CROCC: variants seen among roughly 807,000 people sequenced by gnomAD.
CROCC encodes ciliary rootlet coiled-coil, rootletin, also known as rootletin.
Under a neutral mutation model 245.2 loss-of-function variants are expected in CROCC, and 180 were observed. The observed-to-expected ratio is 0.73, with a 90% CI of 0.65 to 0.83. CROCC has a LOEUF of 0.83. CROCC is among the 40% of genes least tolerant of loss of function. CROCC has a pLI of 0.00. For missense variants in CROCC, 2,688 were observed against 2,779.4 expected (o/e 0.97, Z 0.74); for synonymous variants, 1,205 against 1,241.6 (o/e 0.97, Z 0.62).
intron 8 of CROCC, among the ~76,000 whole-genome samples, chr1:16,932,364 T>C (rs575007011): frequency 6.6e-6 from 1 of 152,338 alleles, no homozygotes; most frequent in East Asian, 1.9e-4. Flanking sequence ...TGCTTGAACC[T>C]GGGAGGCAGA....
Position 16,954,421 on chromosome 1 carries a change from C to T in CROCC, c.3321+64C>T. 6.4e-7 allele frequency: 1 copy of T among 1,559,170 alleles called. No homozygotes were observed. Among genetic ancestry groups the T allele is most frequent in the Non-Finnish European group, 8.7e-7 (1 of 1,148,128 alleles). ...GAGGCACATCCCTGGCTGAGGAGCC[C>T]CCACCACGGGGCGGCATGGCCCTGT... On this transcript the variant is annotated intron_variant, in intron 22 of 36. Coordinates refer to ENST00000375541, the MANE Select transcript of CROCC (RefSeq NM_014675.5). The surrounding 1 kb of genome is among the most constrained non-coding windows in gnomAD (Gnocchi z 4.4).
chr1:16,971,617 C>T lies in CROCC; in HGVS notation c.5937C>T (p.His1979=), dbSNP rs1310895087. 1 of 1,514,460 alleles carries T rather than the reference C, an allele frequency of 6.6e-7. No homozygotes were observed. Among genetic ancestry groups the T allele is most frequent in the Non-Finnish European group, 8.8e-7 (1 of 1,130,684 alleles). 93.8% of individuals were successfully genotyped at this position (1,514,460 alleles called of 1,614,324 possible). A position where few individuals can be genotyped will look rare whatever the true frequency, so the allele number is the denominator to read the frequency against. The stretch of plus-strand genomic sequence containing the variant: ...CCCTGGAGGCTCGGGAGCGGGCCCA[C>T]CGCCAGAGGGTGCGTGGGCTGGAGG... The part of the protein sequence containing the change: ...ERTLEARERA[H]RQRVRGLEEQ... Residue 1979 remains histidine, a synonymous_variant, in exon 36 of 37, where the codon CAC becomes CAT. Coordinates refer to ENST00000375541, the MANE Select transcript of CROCC (RefSeq NM_014675.5).
intron 1 of CROCC, among the ~76,000 whole-genome samples, chr1:16,922,328 A>AG (rs1293871862): frequency 1.3e-5 from 2 of 152,374 alleles, no homozygotes; most frequent in African/African-American, 4.8e-5. Context: ...GCCAGATTTT[A>AG]GGGCTTGGGG....
intron 25 of CROCC, among the ~76,000 whole-genome samples, chr1:16,957,754 T>G (rs1260071725): frequency 6.6e-6 from 1 of 152,124 alleles, no homozygotes; most frequent in East Asian, 1.9e-4. Context: ...CCCCCCAAAT[T>G]TTTTTAATTA....
intron 35 of CROCC, among the ~76,000 whole-genome samples, chr1:16,971,259 ACCTG>A (rs2076514004): frequency 6.8e-6 from 1 of 146,720 alleles, no homozygotes; most frequent in Admixed American, 6.9e-5. Context: ...GTGTCCATGC[ACCTG>A]CCTGAGTGGG....
chr1:16,972,127 T>C (rs2076531783), intron 36 of CROCC, among the ~76,000 whole-genome samples: 1 of 152,138 alleles, frequency 6.6e-6, no homozygotes, highest in South Asian at 2.1e-4. Context: ...ACCCAAGTGA[T>C]GATGGGGATA....
intron 20 of CROCC, 113 bp downstream of exon 20, chr1:16,951,235 G>T: frequency 9.8e-7 from 1 of 1,020,978 alleles, no homozygotes. Flanking sequence ...TGTTGTGGAG[G>T]TCCTGGGGAC....
Position 16,936,798 on chromosome 1 carries a change from A to C in CROCC, c.1118A>C (p.Asp373Ala). ...LQAQLEEQLR[D>A]KVLREKDLAQ... ...GCCCAGCTGGAGGAGCAGCTGCGGG[A>C]CAAGGTGCTCCGCGAGAAGGACCTG... is the stretch of plus-strand genomic sequence containing the variant. Residue 373 changes from aspartate (D) to alanine (A), a missense_variant, in exon 9 of 37, where the codon GAC (aspartate) becomes GCC (alanine). By Grantham distance (126) the Asp-to-Ala change is moderately radical. Transcript: ENST00000375541. 6.2e-7 allele frequency: 1 copy of C among 1,612,056 alleles called. No homozygotes were observed. Among genetic ancestry groups the C allele is most frequent in the Non-Finnish European group, 8.5e-7 (1 of 1,179,826 alleles).
Position 16,930,438 on chromosome 1 carries a change from C to T in CROCC, c.693C>T (p.Ser231=), listed in dbSNP as rs763139468. The change falls in exon 7 of 37, where the codon AGC becomes AGT. Residue 231 remains serine, a synonymous_variant. Transcript: ENST00000375541. Reference sequence around the variant, plus strand: ...CCTGTGCCCCATTCAGGAGTGCCAGCCTGGCCCAGGTGAATGCCATGCTCC... The same window carrying T: ...CCTGTGCCCCATTCAGGAGTGCCAGTCTGGCCCAGGTGAATGCCATGCTCC... ...RLEEEQQRSA[S]LAQVNAMLRE... is the part of the protein sequence containing the mutation. The T allele has an allele frequency of 9.9e-6, 16 of 1,611,626 alleles. No homozygotes were observed. The highest frequency in any genetic ancestry group is 3.3e-5 in the South Asian group (3 of 90,864).
rs764179917 is a variant in CROCC at position 16,955,541 on chromosome 1, A to T, written c.3695A>T (p.Glu1232Val). 1 of 1,541,332 alleles carries T rather than the reference A, an allele frequency of 6.5e-7. No homozygotes were observed. The highest frequency in any genetic ancestry group is 8.7e-7 in the Non-Finnish European group (1 of 1,148,232). The change falls in exon 24 of 37, where the codon GAG becomes GTG. Residue 1232 changes from glutamate (E) to valine (V), a missense_variant. Around this residue, in one of 9 missense-constraint regions of CROCC, gnomAD observed 1,218 missense variants for 1,286.3 expected, o/e 0.95. Transcript: ENST00000375541. ...LRSAVKKAESERISLKLANED... is the reference protein window; with the variant it reads ...LRSAVKKAESVRISLKLANED... Reference sequence around the variant, plus strand: ...TCTGCTGTGAAGAAGGCAGAGAGCGAGCGCATCAGGTGGGGTGTCGCAGGA... The same window carrying T: ...TCTGCTGTGAAGAAGGCAGAGAGCGTGCGCATCAGGTGGGGTGTCGCAGGA...
rs182717735 is a variant in CROCC at position 16,966,411 on chromosome 1, G to T, written c.4700G>T (p.Arg1567Leu). 3.1e-4 allele frequency: 480 copies of T among 1,529,182 alleles called. 1 individual carries two copies. The African/African-American group carries it at 5.7e-3, about 18-fold the overall frequency. The allele number at this position is 1,529,182 out of a possible 1,614,324, so 94.7% of individuals were successfully genotyped here. A position where few individuals can be genotyped will look rare whatever the true frequency, so the allele number is the denominator to read the frequency against. ...ACGGGGTGGGTGGTGGCTACAGCCC[G>T]GCGCAGTGTGGATGGGCGGCTGAGC... ...QKAVAESEEA[R>L]RSVDGRLSGV... Residue 1567 changes from arginine (R) to leucine (L), a missense_variant, in exon 30 of 37, where the codon CGG (arginine) becomes CTG (leucine). Coordinates refer to ENST00000375541, the MANE Select transcript of CROCC (RefSeq NM_014675.5). This position sits in a 1 kb window ranked among gnomAD's most constrained non-coding sequence, Gnocchi z 4.8.
chr1:16,943,518 A>T (rs1441649690), intron 13 of CROCC, among the ~76,000 whole-genome samples: 2 of 151,950 alleles, frequency 1.3e-5, no homozygotes, highest in East Asian at 3.8e-4. Context: ...AGCCTGGGGG[A>T]CAGAGCGAGA....
At chr1:16,924,610 G>A (rs2075489639) in intron 3 of CROCC, 131 bp downstream of exon 3, 5 of 1,253,996 alleles carry the variant, frequency 4.0e-6, no homozygotes, top group Admixed American at 2.5e-5. Flanking sequence ...TTGGATTGAG[G>A]CTCTGCCACC....
Position 16,946,901 on chromosome 1 carries a change from A to G in CROCC, c.2424A>G (p.Leu808=), listed in dbSNP as rs7537468. The G allele has an allele frequency of 0.18, 269,192 of 1,518,982 alleles. 2 individuals carry two copies. The highest frequency in any genetic ancestry group is 0.4 in the East Asian group (16,498 of 41,340). The allele number at this position is 1,518,982 out of a possible 1,614,324, so 94.1% of individuals were successfully genotyped here. A position where few individuals can be genotyped will look rare whatever the true frequency, so the allele number is the denominator to read the frequency against. The part of the protein sequence containing the change: ...EVARQGLEGS[L]RVAEQAQEAL... ...CGCGGCAGGGCCTGGAGGGCTCCCT[A>G]CGAGTGGCGGAGCAGGCCCAGGAGG... Residue 808 remains leucine (L), a synonymous_variant, in exon 17 of 37, where the codon CTA becomes CTG. Transcript: ENST00000375541.
intron 27 of CROCC, among the ~76,000 whole-genome samples, chr1:16,964,840 G>A (rs1386495607): frequency 1.3e-5 from 2 of 152,036 alleles, no homozygotes; most frequent in African/African-American, 2.4e-5. Context: ...ATGCCACCAC[G>A]CCCAGCTAAT....
At chr1:16,951,704 C>T (rs2076162183) in intron 20 of CROCC, among the ~76,000 whole-genome samples, 1 of 152,234 alleles carries the variant, frequency 6.6e-6, no homozygotes, top group Admixed American at 6.5e-5. Context: ...CTGGCACTGA[C>T]ATGCTCTCCA....
intron 20 of CROCC, chr1:16,951,781 CA>C (rs2076163473): frequency 6.5e-6 from 1 of 154,440 alleles, no homozygotes; most frequent in African/African-American, 2.4e-5. Context: ...GACAGAGGTG[CA>C]GGCTATGACT....
Position 16,955,322 on chromosome 1 carries a change from T to C in CROCC, c.3476T>C (p.Leu1159Pro), listed in dbSNP as rs1285935682. ...CTGCTGTGCTCACAGGCAGAAGAGC[T>C]TCGGACCCAGCTGCGTCTGCTGGAG... Reference protein sequence around the residue: ...RDSCLREAEELRTQLRLLEDA... With the variant: ...RDSCLREAEEPRTQLRLLEDA... Residue 1159 changes from leucine (L) to proline (P), a missense_variant, in exon 24 of 37, where the codon CTT (leucine) becomes CCT (proline). Transcript: ENST00000375541. The C allele has an allele frequency of 1.2e-6, 2 of 1,607,670 alleles. No individual in the cohort carries two copies. Among genetic ancestry groups the C allele is most frequent in the African/African-American group, 2.7e-5 (2 of 74,872 alleles).
At chr1:16,937,789 A>G (rs759537340) in intron 10 of CROCC, 52 bp downstream of exon 10, 180 of 1,490,916 alleles carry the variant, frequency 1.2e-4, no homozygotes, top group Non-Finnish European at 1.6e-4. Context: ...GGTACCGGCC[A>G]GATCCATGGA....
Sources: gnomAD v4.1 joint callset for allele counts (sites outside exome capture counted in the v4.1 genomes callset) on GRCh38, gnomAD v4.1.1 for gene constraint, gnomAD v4.1.1 regional missense constraint, Gnocchi (gnomAD v3.1) non-coding constraint, MANE v1.5 for transcripts, NCBI Gene and HGNC (gene_info 2026-07-23, HGNC 2026-07-21) for gene names.